The following DAB1 variants were observed in gnomAD, a reference collection of about 807,000 sequenced individuals.
DAB1 encodes the protein disabled homolog 1.
DAB1 carries 15 observed loss-of-function variants against 64.6 expected under a neutral mutation model. The ratio of observed to expected loss-of-function variants is 0.23; its 90% confidence interval spans 0.16 to 0.36. The LOEUF (loss-of-function observed/expected upper bound fraction) is 0.36. DAB1 is among the 10% of genes least tolerant of loss of function. DAB1 has a pLI of 1.00. For missense variants in DAB1, 596 were observed against 706.7 expected (o/e 0.84, Z 1.78); for synonymous variants, 235 against 251.9 (o/e 0.93, Z 0.64).
At chr1:58,285,636 G>A (rs896581029) in intron 4 of DAB1, among the ~76,000 whole-genome samples, 6 of 152,072 alleles carry the variant, frequency 3.9e-5, no homozygotes, top group Non-Finnish European at 5.9e-5. Flanking sequence ...TCTTCAAGGA[G>A]AACTACAAAC....
intron 4 of DAB1, among the ~76,000 whole-genome samples, chr1:58,192,107 G>A (rs557214814): frequency 3.9e-5 from 6 of 152,282 alleles, no homozygotes; most frequent in African/African-American, 1.4e-4. Context: ...GCACTTAGAT[G>A]TTCCGACTCC....
At chr1:57,466,174 C>T (rs1686948378) in intron 7 of DAB1, among the ~76,000 whole-genome samples, 1 of 152,152 alleles carries the variant, frequency 6.6e-6, no homozygotes, top group African/African-American at 2.4e-5. Flanking sequence ...AATTATGGGA[C>T]ATTAAGCCAG....
At chr1:58,181,669 TA>T (rs1180804505) in intron 4 of DAB1, among the ~76,000 whole-genome samples, 3 of 152,128 alleles carry the variant, frequency 2.0e-5, no homozygotes, top group Non-Finnish European at 4.4e-5. Flanking sequence ...TTTAGATTAA[TA>T]CTAAGTTACT....
At chr1:58,396,723 A>T (rs866553843) in intron 3 of DAB1, among the ~76,000 whole-genome samples, 1 of 152,126 alleles carries the variant, frequency 6.6e-6, no homozygotes, top group Non-Finnish European at 1.5e-5. Context: ...TGACAGTAGG[A>T]CAGAAATAGG....
chr1:57,691,379 A>G (rs190463533), intron 6 of DAB1, among the ~76,000 whole-genome samples: 1 of 152,124 alleles, frequency 6.6e-6, no homozygotes, highest in African/African-American at 2.4e-5. Flanking sequence ...ACCTATCAGC[A>G]CTCTGTAAAA....
chr1:57,340,113 T>G (rs1677450921), intron 1 of DAB1, among the ~76,000 whole-genome samples: 1 of 152,082 alleles, frequency 6.6e-6, no homozygotes, highest in Non-Finnish European at 1.5e-5. Context: ...TAGAAGGGGT[T>G]TTACAAAGAA....
At chr1:57,303,833 T>C (rs1673886671) in intron 1 of DAB1, among the ~76,000 whole-genome samples, 1 of 152,076 alleles carries the variant, frequency 6.6e-6, no homozygotes, top group Non-Finnish European at 1.5e-5. Context: ...TGTTAGAAAG[T>C]CATACCCAGT....
chr1:57,237,077 G>A (rs1668142497), intron 2 of DAB1, among the ~76,000 whole-genome samples: 1 of 152,172 alleles, frequency 6.6e-6, no homozygotes. Flanking sequence ...AGAGGTTTCT[G>A]TCCCCATTTT....
chr1:57,364,420 C>T (rs1278488356), intron 1 of DAB1, among the ~76,000 whole-genome samples: 1 of 152,088 alleles, frequency 6.6e-6, no homozygotes, highest in South Asian at 2.1e-4. Context: ...GGGTTACTGG[C>T]CCCACATTAC....
At chr1:57,623,487 C>T (rs1003789603) in intron 7 of DAB1, among the ~76,000 whole-genome samples, 6 of 152,054 alleles carry the variant, frequency 3.9e-5, no homozygotes, top group South Asian at 4.1e-4. Context: ...GAGCTACTTT[C>T]GAAGCTGCAG....
chr1:57,391,734 A>C (rs1162374413), intron 1 of DAB1, among the ~76,000 whole-genome samples: 1 of 149,256 alleles, frequency 6.7e-6, no homozygotes, highest in Non-Finnish European at 1.5e-5. Flanking sequence ...CCATCTGTGC[A>C]TTCTTCTGGT....
At chr1:57,479,608 T>C (rs1298735042) in intron 7 of DAB1, among the ~76,000 whole-genome samples, 1 of 152,152 alleles carries the variant, frequency 6.6e-6, no homozygotes, top group African/African-American at 2.4e-5. Context: ...CTTGTCTCTC[T>C]ATACTCCATG....
chr1:57,404,637 T>C (rs571179625), intron 1 of DAB1, among the ~76,000 whole-genome samples: 1 of 152,198 alleles, frequency 6.6e-6, no homozygotes, highest in Admixed American at 6.5e-5. Flanking sequence ...GAAGAAGGAA[T>C]TTCTTGAGAA....
chr1:58,200,398 C>A (rs1657930674), intron 4 of DAB1, among the ~76,000 whole-genome samples: 1 of 152,182 alleles, frequency 6.6e-6, no homozygotes, highest in Non-Finnish European at 1.5e-5. Flanking sequence ...CTTTCCAAAT[C>A]TAATACATTA....
intron 4 of DAB1, among the ~76,000 whole-genome samples, chr1:58,316,700 C>T (rs1243816510): frequency 6.6e-6 from 1 of 152,152 alleles, no homozygotes; most frequent in Non-Finnish European, 1.5e-5. Flanking sequence ...AGAGTAGCAC[C>T]TGGACCACAG....
chr1:57,146,635 T>C (rs759984021), intron 2 of DAB1, among the ~76,000 whole-genome samples: 10 of 152,234 alleles, frequency 6.6e-5, no homozygotes, highest in Non-Finnish European at 8.8e-5. Context: ...TACTTTTCTA[T>C]TGACAAAACA....
chr1:58,073,967 C>T (rs893417475), intron 5 of DAB1, among the ~76,000 whole-genome samples: 2 of 152,146 alleles, frequency 1.3e-5, no homozygotes, highest in Admixed American at 6.5e-5. Context: ...AATGACTCCA[C>T]GAAAAGTAGA....
At chr1:58,253,593 C>T (rs915356978) in intron 4 of DAB1, among the ~76,000 whole-genome samples, 2 of 152,216 alleles carry the variant, frequency 1.3e-5, no homozygotes, top group Non-Finnish European at 2.9e-5. Flanking sequence ...TTAGAGAGCA[C>T]TTTATTTTAC....
In DAB1 at chr1:58,120,476, G is replaced by A. The variant is rs79189233; in HGVS notation, n.387+30035C>T. ...AAGCTTATTACCCCTATGAACCTCA[G>A]TTTCCACACCTGTACATGGGAATAA... On this transcript the variant is annotated intron_variant and non_coding_transcript_variant, in intron 5 of 20. Transcript: ENST00000485760. Among the ~76,000 whole-genome samples, 189 of 152,222 alleles carry A rather than the reference G, an allele frequency of 1.2e-3. No individual in the cohort carries two copies. In the East Asian group the frequency reaches 0.031, roughly 25 times the overall value.
Sources: allele counts gnomAD v4.1 joint callset (sites outside exome capture counted in the v4.1 genomes callset), GRCh38; gene constraint gnomAD v4.1.1; transcripts MANE v1.5; gene names NCBI Gene and HGNC (gene_info 2026-07-23, HGNC 2026-07-21).